DIP2C: variants seen among roughly 807,000 people sequenced by gnomAD.
DIP2C encodes DIP2 acetate--CoA ligase C (putative).
DIP2C carries 33 observed loss-of-function variants against 192.4 expected under a neutral mutation model. The observed-to-expected ratio is 0.17, with a 90% CI of 0.13 to 0.23. DIP2C has a LOEUF of 0.23. DIP2C is among the 10% of genes least tolerant of loss of function. The pLI, the probability that DIP2C is intolerant of heterozygous loss-of-function variation, is 1.00. For missense variants in DIP2C, 1,537 were observed against 2,110.1 expected (o/e 0.73, Z 5.32); for synonymous variants, 979 against 864.1 (o/e 1.13, Z -2.33).
At chr10:673,272 A>T (rs1564331527) in intron 1 of DIP2C, among the ~76,000 whole-genome samples, 2 of 152,188 alleles carry the variant, frequency 1.3e-5, no homozygotes, top group Non-Finnish European at 2.9e-5. Flanking sequence ...GAAACCAAAG[A>T]TTCCAATGCC....
chr10:577,882 A>G (rs1850274985), intron 1 of DIP2C, among the ~76,000 whole-genome samples: 1 of 151,358 alleles, frequency 6.6e-6, no homozygotes, highest in Non-Finnish European at 1.5e-5. Flanking sequence ...GAAAGTTGGG[A>G]GCAATTTCTA....
intron 1 of DIP2C, among the ~76,000 whole-genome samples, chr10:609,987 A>T (rs1329272809): frequency 6.6e-6 from 1 of 152,200 alleles, no homozygotes; most frequent in Admixed American, 6.5e-5. Flanking sequence ...AGAACATCAA[A>T]GTGGCTCACG....
At chr10:670,087 T>G (rs1031397882) in intron 1 of DIP2C, among the ~76,000 whole-genome samples, 7 of 151,930 alleles carry the variant, frequency 4.6e-5, no homozygotes, top group Non-Finnish European at 8.8e-5. Context: ...CACACACACA[T>G]GCATACACAC....
At chr10:295,589 A>C (rs1589411479) in intron 32 of DIP2C, among the ~76,000 whole-genome samples, 2 of 2,372 alleles carry the variant, frequency 8.4e-4, no homozygotes, top group African/African-American at 2.7e-3. Context: ...AAAAAAAAAA[A>C]AAAAAAAAAA....
intron 1 of DIP2C, among the ~76,000 whole-genome samples, chr10:547,047 T>A (rs1475519896): frequency 1.3e-5 from 2 of 152,154 alleles, no homozygotes; most frequent in African/African-American, 4.8e-5. Context: ...TTCTGCAGGT[T>A]CATGGGAGAG....
At chr10:414,890 GTA>G (rs869143179) in intron 7 of DIP2C, among the ~76,000 whole-genome samples, 2,433 of 36,014 alleles carry the variant, frequency 0.068, 93 homozygotes, top group East Asian at 0.15. Context: ...GTGTGTGTGT[GTA>G]TATATATATA....
At chr10:391,003 GT>G (rs1963415545) in intron 10 of DIP2C, 140 bp from the exon 11 acceptor site, 1 of 1,267,232 alleles carries the variant, frequency 7.9e-7, no homozygotes, top group African/African-American at 1.5e-5. Context: ...CTTGGTATCT[GT>G]GGGACCCTGA....
intron 1 of DIP2C, among the ~76,000 whole-genome samples, chr10:491,190 C>T (rs545539038): frequency 5.9e-5 from 9 of 152,302 alleles, no homozygotes; most frequent in South Asian, 2.1e-4. Context: ...TTGGGAGCCG[C>T]GTGACCCTAG....
At chr10:349,594 C>T (rs1958693035) in intron 24 of DIP2C, 140 bp from the exon 25 acceptor site, 2 of 1,158,862 alleles carry the variant, frequency 1.7e-6, no homozygotes, top group Non-Finnish European at 2.3e-6. Flanking sequence ...GTGCAACCAA[C>T]ATGACAGTCA....
In DIP2C at chr10:399,378, A is replaced by C. The variant is rs566456012; in HGVS notation, c.1150-159T>G. 2.6e-5 allele frequency among the ~76,000 whole-genome samples: 4 copies of C among 152,264 alleles called. No individual in the cohort carries two copies. In the East Asian group the frequency reaches 7.7e-4, roughly 29 times the overall value. ...AGCTGTGTTTTAATAAGCATCACAC[A>C]CCCGGCCTTGAATTCATATAGAAGA... On this transcript the variant is annotated intron_variant, in intron 9 of 36. Coordinates refer to ENST00000280886, the MANE Select transcript of DIP2C (RefSeq NM_014974.3).
At position 324,170 on chromosome 10, in the gene DIP2C, T is replaced by G. The variant is rs113331626; in HGVS notation, c.3924+2836A>C. ...AATGAGTCACTTCCTGAAAAAATTA[T>G]CTACATGCCTACCGTCCAACTCACT... On this transcript the variant is annotated intron_variant, in intron 31 of 36. Coordinates refer to ENST00000280886, the MANE Select transcript of DIP2C (RefSeq NM_014974.3). Among the ~76,000 whole-genome samples the G allele has an allele frequency of 1.3e-3, 198 of 152,326 alleles. 1 individual carries two copies. The South Asian group carries it at 0.015, about 11-fold the overall frequency.
At chr10:315,980 G>GT (rs1415301352) in intron 31 of DIP2C, among the ~76,000 whole-genome samples, 1 of 152,034 alleles carries the variant, frequency 6.6e-6, no homozygotes, top group African/African-American at 2.4e-5. Context: ...TCTAATACTA[G>GT]TTTTCATTTC....
intron 19 of DIP2C, chr10:364,820 G>C: frequency 1.6e-6 from 1 of 624,414 alleles, no homozygotes; most frequent in Non-Finnish European, 2.9e-6. Flanking sequence ...CTCACCTGCT[G>C]GAGCCTCCTG....
At chr10:595,753 G>T (rs1851664719) in intron 1 of DIP2C, among the ~76,000 whole-genome samples, 1 of 152,146 alleles carries the variant, frequency 6.6e-6, no homozygotes, top group Non-Finnish European at 1.5e-5. Flanking sequence ...ACAAAGTCAG[G>T]TTTTTTCAAT....
chr10:577,159 C>T (rs191202793), intron 1 of DIP2C, among the ~76,000 whole-genome samples: 6 of 152,256 alleles, frequency 3.9e-5, no homozygotes, highest in Admixed American at 1.3e-4. Flanking sequence ...TGGCTGCATC[C>T]TACTGCAATT....
At chr10:473,113 G>A (rs1233724459) in intron 2 of DIP2C, among the ~76,000 whole-genome samples, 1 of 152,112 alleles carries the variant, frequency 6.6e-6, no homozygotes, top group East Asian at 1.9e-4. Flanking sequence ...GATTATGTTC[G>A]ACTATGAATC....
chr10:555,383 G>A (rs372268935), intron 1 of DIP2C, among the ~76,000 whole-genome samples: 2 of 152,160 alleles, frequency 1.3e-5, no homozygotes, highest in East Asian at 1.9e-4. Flanking sequence ...CCTAATAACC[G>A]AACTTCATTA....
intron 1 of DIP2C, among the ~76,000 whole-genome samples, chr10:557,810 CA>C (rs1182707616): frequency 4.6e-5 from 2 of 43,396 alleles, no homozygotes; most frequent in Admixed American, 2.4e-4. Flanking sequence ...GGCAGGCAGG[CA>C]GGGGGAGGGG....
At position 364,544 on chromosome 10, in the gene DIP2C, T is replaced by C; in HGVS notation, c.2307A>G (p.Glu769=). 6.2e-7 allele frequency: 1 copy of C among 1,614,140 alleles called. No individual in the cohort carries two copies. The change falls in exon 20 of 37, where the codon GAA becomes GAG. Residue 769 remains glutamate, a synonymous_variant. Coordinates refer to ENST00000280886, the MANE Select transcript of DIP2C (RefSeq NM_014974.3). ...PMTSSGAPIS[E]YPFIRTGLLG... ...GCAAGCCTGTCCTTATGAATGGGTATTCACTGATCGGAGCCCCGGAGCTTG... is the reference window on the plus strand; with the variant it reads ...GCAAGCCTGTCCTTATGAATGGGTACTCACTGATCGGAGCCCCGGAGCTTG...
Sources: allele counts gnomAD v4.1 joint callset (sites outside exome capture counted in the v4.1 genomes callset), GRCh38; gene constraint gnomAD v4.1.1; transcripts MANE v1.5; gene names NCBI Gene and HGNC (gene_info 2026-07-23, HGNC 2026-07-21).